Variants in TAF1 observed in about 807,000 individuals in gnomAD.
TAF1 encodes the protein TATA-box binding protein associated factor 1.
Under a neutral mutation model 138.5 loss-of-function variants are expected in TAF1, and 2 were observed. The observed-to-expected ratio is 0.01, with a 90% CI of 0.01 to 0.05. The LOEUF (loss-of-function observed/expected upper bound fraction) is 0.05. Among genes scored for constraint, TAF1 ranks in the 10% least tolerant of loss-of-function variants. TAF1 has a pLI of 1.00. For missense variants in TAF1, 709 were observed against 1,478.0 expected (o/e 0.48, Z 8.53); for synonymous variants, 437 against 503.2 (o/e 0.87, Z 1.76).
At chrX:71,453,284 C>T (rs745791253) in intron 32 of TAF1, among the ~76,000 whole-genome samples, 28 of 111,289 alleles carry the variant, frequency 2.5e-4, no homozygotes, top group African/African-American at 8.5e-4. Context: ...CCAGGCTGGG[C>T]GTTGTGGCTC....
At chrX:71,526,070 T>G (rs1033688647) in intron 13 of TAF1, among the ~76,000 whole-genome samples, 4 of 111,644 alleles carry the variant, frequency 3.6e-5, no homozygotes, top group Non-Finnish European at 7.5e-5. Context: ...AGGGGTCAAA[T>G]GTAGCATATT....
intron 32 of TAF1, among the ~76,000 whole-genome samples, chrX:71,430,864 G>T (rs1442115128): frequency 1.8e-5 from 2 of 110,967 alleles, no homozygotes; most frequent in Non-Finnish European, 3.8e-5. Flanking sequence ...TGGTGCCATT[G>T]ACTAATATGG....
At chrX:71,468,010 CT>C (rs377599317), downstream of TAF1, among the ~76,000 whole-genome samples, 1 of 111,483 alleles carries the variant, frequency 9.0e-6, no homozygotes, top group Non-Finnish European at 1.9e-5. Context: ...AATTCCAGCA[CT>C]TTTGAGAGGT....
intron 13 of TAF1, among the ~76,000 whole-genome samples, chrX:71,490,254 G>C (rs1037062582): frequency 3.6e-5 from 4 of 111,914 alleles, no homozygotes; most frequent in African/African-American, 1.3e-4. Flanking sequence ...CTGGCTCCTT[G>C]ATCTTGGACT....
intron 22 of TAF1, among the ~76,000 whole-genome samples, chrX:71,395,035 A>G (rs1040577961): frequency 8.9e-6 from 1 of 112,197 alleles, no homozygotes; most frequent in Non-Finnish European, 1.9e-5. Context: ...TGGCTTTCAG[A>G]AGACCCTCAG....
At chrX:71,451,484 T>C (rs867199213) in intron 32 of TAF1, among the ~76,000 whole-genome samples, 12 of 109,846 alleles carry the variant, frequency 1.1e-4, no homozygotes, top group African/African-American at 3.7e-4. Flanking sequence ...TATTTTTTTT[T>C]CCTTTTTTTT....
chrX:71,520,046 T>G (rs940009956), intron 13 of TAF1, among the ~76,000 whole-genome samples: 1 of 110,424 alleles, frequency 9.1e-6, no homozygotes, highest in Admixed American at 9.7e-5. Context: ...ACTCCTGACC[T>G]TAAGTGATCC....
intron 3 of TAF1, among the ~76,000 whole-genome samples, chrX:71,369,493 A>AT (rs2032855769): frequency 2.7e-5 from 3 of 111,758 alleles, no homozygotes; most frequent in South Asian, 7.3e-4. Flanking sequence ...AAAATGTGGG[A>AT]TTTTATCAAA....
At chrX:71,517,007 G>A (rs1569415360) in intron 13 of TAF1, among the ~76,000 whole-genome samples, 1 of 111,425 alleles carries the variant, frequency 9.0e-6, no homozygotes, top group Non-Finnish European at 1.9e-5. Context: ...GGGATTTACA[G>A]GCTGTTGGGT....
In TAF1 at chrX:71,459,594, G is replaced by A. The variant is rs1459284776; in HGVS notation, c.5107G>A (p.Gly1703Arg). The A allele has an allele frequency of 8.3e-7, 1 of 1,211,081 alleles. No homozygotes were observed. Among genetic ancestry groups the A allele is most frequent in the Non-Finnish European group, 1.1e-6 (1 of 895,335 alleles). ...GDGDLADEEEGTVQQPQASVL... is the reference protein window; with the variant it reads ...GDGDLADEEERTVQQPQASVL... ...TGGTGATCTTGCAGATGAAGAGGAA[G>A]GAACTGTACAACAGCCTCAAGCCAG... Residue 1703 changes from glycine (G) to arginine (R), a missense_variant, in exon 36 of 38, where the codon GGA (glycine) becomes AGA (arginine). Coordinates refer to ENST00000423759, the MANE Select transcript of TAF1 (RefSeq NM_004606.5).
intron 9 of TAF1, among the ~76,000 whole-genome samples, 194 bp downstream of exon 9, chrX:71,382,113 T>C (rs1022481188): frequency 4.5e-5 from 5 of 112,067 alleles, no homozygotes; most frequent in Non-Finnish European, 7.5e-5. Flanking sequence ...CGTAGGAATG[T>C]TGGAAAGTTG....
intron 35 of TAF1, chrX:71,459,076 TG>T: frequency 1.2e-6 from 1 of 812,731 alleles, no homozygotes; most frequent in African/African-American, 2.1e-5. Flanking sequence ...GCATCCACCC[TG>T]GGTGAGAGCC....
intron 32 of TAF1, among the ~76,000 whole-genome samples, chrX:71,448,200 T>A (rs888992113): frequency 8.1e-5 from 9 of 111,489 alleles, no homozygotes; most frequent in African/African-American, 2.6e-4. Flanking sequence ...CTGTTTAATC[T>A]TCTTCCCAGC....
rs964845930 is a variant in TAF1 at position 71,381,641 on chromosome X, G to A, written c.1361-102G>A. On this transcript the variant is annotated intron_variant, in intron 8 of 37. Transcript: ENST00000423759. ...GACACATGAATAACTCCACTAACTC[G>A]CTCTACTAACATGAGTAACTCTTTT... The A allele has an allele frequency of 2.7e-5, 24 of 903,262 alleles. No individual in the cohort carries two copies. The African/African-American group carries it at 4.0e-4, about 15-fold the overall frequency. 74.4% of individuals were successfully genotyped at this position (903,262 alleles called of 1,213,427 possible).
chrX:71,436,038 CTTTTTT>C (rs780566468), intron 32 of TAF1, among the ~76,000 whole-genome samples: 17 of 78,416 alleles, frequency 2.2e-4, no homozygotes, highest in African/African-American at 8.6e-4. Context: ...ATGCTACCTC[CTTTTTT>C]TTTTTTTTTT....
At chrX:71,392,480 T>C in intron 18 of TAF1, 89 bp from the exon 19 acceptor site, 3 of 1,019,097 alleles carry the variant, frequency 2.9e-6, no homozygotes, top group Non-Finnish European at 3.8e-6. Context: ...AACATGAAAA[T>C]AGTTTGTAAT....
exon 15 of TAF1, chrX:71,529,786 G>C (rs1335087714): frequency 1.5e-5 from 5 of 326,716 alleles, no homozygotes; most frequent in Non-Finnish European, 3.0e-5. Context: ...GAGTCTCTTC[G>C]TCTCATCTCC....
At chrX:71,516,007 G>A (rs1283109963) in intron 13 of TAF1, among the ~76,000 whole-genome samples, 5 of 110,293 alleles carry the variant, frequency 4.5e-5, no homozygotes, top group Non-Finnish European at 9.5e-5. Context: ...AAGTAGAAGG[G>A]TTGTCAACAG....
At chrX:71,430,047 G>A (rs2036798969) in intron 32 of TAF1, among the ~76,000 whole-genome samples, 1 of 111,724 alleles carries the variant, frequency 9.0e-6, no homozygotes, top group African/African-American at 3.3e-5. Flanking sequence ...CAAAAACATG[G>A]AGTATTCTAA....
Sources: gnomAD v4.1 joint callset for allele counts (sites outside exome capture counted in the v4.1 genomes callset) on GRCh38, gnomAD v4.1.1 for gene constraint, MANE v1.5 for transcripts, NCBI Gene and HGNC (gene_info 2026-07-23, HGNC 2026-07-21) for gene names.